The following MC2R variants were observed in gnomAD, a reference collection of about 807,000 sequenced individuals.
The protein encoded by MC2R is melanocortin 2 receptor, also known as adrenocorticotropic hormone receptor.
In MC2R, 9 loss-of-function variants were observed where a neutral mutation model predicts 9.8. That is an observed-to-expected ratio of 0.92 (90% confidence interval 0.55 to 1.60). The LOEUF (loss-of-function observed/expected upper bound fraction) is 1.60. MC2R is among the 40% of genes most tolerant of loss of function. The probability of loss-of-function intolerance (pLI) is 0.00; values close to 1 mark genes in which losing one functional copy is unlikely to be tolerated. For synonymous variants in MC2R, 185 were observed against 154.7 expected (o/e 1.20, Z -1.45); for missense variants, 370 against 389.0 (o/e 0.95, Z 0.41).
intron 1 of MC2R, among the ~76,000 whole-genome samples, chr18:13,908,706 T>TTTGTGTGTGTGTGTGTGTG (rs374040158): frequency 0.049 from 7,028 of 142,526 alleles, 234 homozygotes; most frequent in Middle Eastern, 0.092. Flanking sequence ...CAGGAGCTTC[T>TTTGTGTGTGTGTGTGTGTG]TGTGTGTGTG....
At chr18:13,908,294 T>C (rs1048965332) in intron 1 of MC2R, among the ~76,000 whole-genome samples, 2 of 152,202 alleles carry the variant, frequency 1.3e-5, no homozygotes, top group African/African-American at 4.8e-5. Flanking sequence ...ATGTCCCTTG[T>C]TCTCACTCAC....
At chr18:13,896,062 T>C (rs1386710063) in intron 1 of MC2R, among the ~76,000 whole-genome samples, 3 of 152,228 alleles carry the variant, frequency 2.0e-5, no homozygotes, top group African/African-American at 4.8e-5. Context: ...ACCACTACTT[T>C]GTGGAGCAAC....
rs141349908 is a variant in MC2R, at chr18:13,884,724, G to A, written c.795C>T (p.Ile265=). ...AGGGGTCAATGACGGCATTGCACAT[G>A]ATCAACATGCCGTTCACCTGGAAGA... ...MSLFQVNGML[I]MCNAVIDPFI... The change falls in exon 2 of 2, where the codon ATC becomes ATT. Residue 265 remains isoleucine (I), a synonymous_variant. Transcript: ENST00000327606. 118 of 1,614,138 alleles carry A rather than the reference G, an allele frequency of 7.3e-5. No individual in the cohort carries two copies. In the African/African-American group the frequency reaches 1.4e-3, roughly 20 times the overall value.
At position 13,884,547 on chromosome 18, in the gene MC2R, G is replaced by A; in HGVS notation, c.*78C>T. The stretch of plus-strand genomic sequence containing the variant: ...GAAGGAAGGCCAGTGAGGAGCACTG[G>A]CATTTGTTGGAATGTTACACTATTC... On this transcript the variant is annotated 3_prime_UTR_variant, in exon 2 of 2. Transcript: ENST00000327606. 2.0e-6 allele frequency: 3 copies of A among 1,484,588 alleles called. No individual in the cohort carries two copies. The highest frequency in any genetic ancestry group is 1.4e-5 in the African/African-American group (1 of 72,572). 92.0% of individuals were successfully genotyped at this position (1,484,588 alleles called of 1,614,324 possible). A position where few individuals can be genotyped will look rare whatever the true frequency, so the allele number is the denominator to read the frequency against.
chr18:13,897,854 C>G (rs2045356014), intron 1 of MC2R, among the ~76,000 whole-genome samples: 1 of 151,946 alleles, frequency 6.6e-6, no homozygotes, highest in Non-Finnish European at 1.5e-5. Flanking sequence ...CCTTTAGGCC[C>G]TGAGCAACAA....
At chr18:13,912,222 G>A (rs542011343) in intron 1 of MC2R, among the ~76,000 whole-genome samples, 46 of 152,336 alleles carry the variant, frequency 3.0e-4, no homozygotes, top group African/African-American at 1.1e-3. Flanking sequence ...AGACAGGGCA[G>A]AGTGAAAGGT....
At chr18:13,892,278 A>T (rs1474292688) in intron 1 of MC2R, among the ~76,000 whole-genome samples, 2 of 151,194 alleles carry the variant, frequency 1.3e-5, no homozygotes, top group Non-Finnish European at 3.0e-5. Flanking sequence ...TGAAAGGGGA[A>T]GAGTTATTGT....
chr18:13,908,464 G>C (rs1314629187), intron 1 of MC2R, among the ~76,000 whole-genome samples: 1 of 152,088 alleles, frequency 6.6e-6, no homozygotes, highest in Non-Finnish European at 1.5e-5. Flanking sequence ...TAAATCAGTA[G>C]GGTGACTATA....
At chr18:13,897,544 G>A (rs111487644) in intron 1 of MC2R, among the ~76,000 whole-genome samples, 53 of 152,210 alleles carry the variant, frequency 3.5e-4, no homozygotes, top group African/African-American at 1.2e-3. Flanking sequence ...GGTGGCTAAG[G>A]GAGTGCTGGC....
At chr18:13,910,405 T>C (rs1598469663) in intron 1 of MC2R, among the ~76,000 whole-genome samples, 1 of 152,188 alleles carries the variant, frequency 6.6e-6, no homozygotes, top group African/African-American at 2.4e-5. Flanking sequence ...TTTCACTGTT[T>C]TGTTGGCTCT....
At chr18:13,904,181 T>C (rs907390227) in intron 1 of MC2R, among the ~76,000 whole-genome samples, 12 of 150,710 alleles carry the variant, frequency 8.0e-5, no homozygotes, top group Non-Finnish European at 1.6e-4. Context: ...AAGACCATCC[T>C]GGCTAACATG....
chr18:13,900,350 G>A (rs925683014), intron 1 of MC2R, among the ~76,000 whole-genome samples: 1 of 151,808 alleles, frequency 6.6e-6, no homozygotes, highest in African/African-American at 2.4e-5. Flanking sequence ...AAAAAAGAAG[G>A]AAGAGAACAC....
chr18:13,915,653 G>A (rs2045471814), upstream of MC2R: 1 of 152,334 alleles, frequency 6.6e-6, no homozygotes. Flanking sequence ...CATCCCACAT[G>A]AACTGTGCAT....
intron 1 of MC2R, among the ~76,000 whole-genome samples, chr18:13,907,441 T>C (rs1268865833): frequency 1.3e-5 from 2 of 152,162 alleles, no homozygotes; most frequent in African/African-American, 4.8e-5. Flanking sequence ...ATTGTGGAAA[T>C]GCTTCAAGAC....
intron 1 of MC2R, among the ~76,000 whole-genome samples, chr18:13,907,215 C>A (rs1045844616): frequency 2.0e-5 from 3 of 152,116 alleles, no homozygotes; most frequent in Admixed American, 6.5e-5. Context: ...AGCTATAAAT[C>A]CATGCATTTG....
Position 13,884,688 on chromosome 18 carries a change from G to A in MC2R, c.831C>T (p.Ala277=), listed in dbSNP as rs754718068. ...CGTCCCTGAGCTCTGGGCTCCGGAAGGCATATATGAAGGGGTCAATGACGG... is the reference window on the plus strand; with the variant it reads ...CGTCCCTGAGCTCTGGGCTCCGGAAAGCATATATGAAGGGGTCAATGACGG... ...CNAVIDPFIY[A]FRSPELRDAF... is the part of the protein sequence containing the mutation. Residue 277 remains alanine, a synonymous_variant, in exon 2 of 2, where the codon GCC becomes GCT. Coordinates refer to ENST00000327606, the MANE Select transcript of MC2R (RefSeq NM_000529.2). 14 of 1,613,986 alleles carry A rather than the reference G, an allele frequency of 8.7e-6. No homozygotes were observed. Among genetic ancestry groups the A allele is most frequent in the South Asian group, 2.2e-5 (2 of 91,080 alleles).
intron 1 of MC2R, among the ~76,000 whole-genome samples, chr18:13,898,710 C>A (rs545187123): frequency 6.6e-6 from 1 of 152,160 alleles, no homozygotes; most frequent in African/African-American, 2.4e-5. Flanking sequence ...AAGTAAGGGA[C>A]GAGAACAAGA....
At chr18:13,905,171 G>A (rs1201449125) in intron 1 of MC2R, among the ~76,000 whole-genome samples, 3 of 151,978 alleles carry the variant, frequency 2.0e-5, no homozygotes, top group African/African-American at 7.2e-5. Flanking sequence ...AATTTACAAG[G>A]AACTTAAACA....
chr18:13,905,721 T>C (rs542834607), intron 1 of MC2R, among the ~76,000 whole-genome samples: 2 of 152,262 alleles, frequency 1.3e-5, no homozygotes, highest in South Asian at 4.1e-4. Flanking sequence ...GGAAATACCA[T>C]TTGACCCAGC....
Sources: gnomAD v4.1 joint callset for allele counts (sites outside exome capture counted in the v4.1 genomes callset) on GRCh38, gnomAD v4.1.1 for gene constraint, MANE v1.5 for transcripts, NCBI Gene and HGNC (gene_info 2026-07-23, HGNC 2026-07-21) for gene names.